WDR43: variants seen among roughly 807,000 people sequenced by gnomAD.
WDR43 encodes WD repeat-containing protein 43.
Under a neutral mutation model 91.4 loss-of-function variants are expected in WDR43, and 13 were observed. The ratio of observed to expected loss-of-function variants is 0.14; its 90% CI spans 0.09 to 0.23. The LOEUF (loss-of-function observed/expected upper bound fraction) is 0.23. Ranked by LOEUF, WDR43 falls within the 10% of genes least tolerant of loss-of-function variation. WDR43 has a pLI of 1.00. For synonymous variants in WDR43, 331 were observed against 287.9 expected, an observed-to-expected ratio of 1.15 and a Z score of -1.51; for missense variants, 780 against 809.4, an observed-to-expected ratio of 0.96 and a Z score of 0.44.
intron 5 of WDR43, among the ~76,000 whole-genome samples, chr2:28,916,676 A>G (rs4456657): frequency 0.67 from 102,582 of 152,004 alleles, 35,219 homozygotes; most frequent in East Asian, 0.85. Context: ...GGTTCTCGTT[A>G]TTTATAATTG....
chr2:28,922,749 A>G (rs1177112246), intron 6 of WDR43, among the ~76,000 whole-genome samples, 170 bp from the exon 7 acceptor site: 2 of 147,442 alleles, frequency 1.4e-5, no homozygotes, highest in Admixed American at 6.7e-5. Context: ...CACCACCACT[A>G]ATGGTTATTT....
intron 1 of WDR43, among the ~76,000 whole-genome samples, chr2:28,895,559 C>T (rs1179594997): frequency 6.6e-6 from 1 of 151,236 alleles, no homozygotes. Context: ...GCCCCGCTTT[C>T]AAGCCGATCA....
intron 11 of WDR43, among the ~76,000 whole-genome samples, chr2:28,933,676 T>C (rs1671288717): frequency 6.6e-6 from 1 of 152,122 alleles, no homozygotes; most frequent in African/African-American, 2.4e-5. Flanking sequence ...TTGGTAAAGG[T>C]TTGAATAGAC....
In WDR43 at chr2:28,901,145, C is replaced by G. The variant is rs59892852; in HGVS notation, c.226-842C>G. Among the ~76,000 whole-genome samples, 9 of 152,176 alleles carry G rather than the reference C, an allele frequency of 5.9e-5. No homozygotes were observed. In the East Asian group the frequency reaches 1.7e-3, roughly 29 times the overall value. On this transcript the variant is annotated intron_variant, in intron 1 of 17. Coordinates refer to ENST00000407426, the MANE Select transcript of WDR43 (RefSeq NM_015131.3). Reference sequence around the variant, plus strand: ...TGTTTTACAGTGAAAGAATGGATTTCTCAGAACTTTATGCTAAAAACATAT... The same window carrying G: ...TGTTTTACAGTGAAAGAATGGATTTGTCAGAACTTTATGCTAAAAACATAT...
intron 7 of WDR43, among the ~76,000 whole-genome samples, chr2:28,924,144 A>C (rs1329476761): frequency 2.0e-5 from 3 of 152,188 alleles, no homozygotes; most frequent in Non-Finnish European, 4.4e-5. Flanking sequence ...TGTGGCTGAA[A>C]TACAGTGAGG....
At chr2:28,907,312 TTCTG>T (rs886225561) in intron 3 of WDR43, among the ~76,000 whole-genome samples, 77 of 152,224 alleles carry the variant, frequency 5.1e-4, no homozygotes, top group Middle Eastern at 3.4e-3. Flanking sequence ...GGATTTTAGA[TTCTG>T]TCTGGTATGC....
At chr2:28,901,310 ACT>A (rs1038412524) in intron 1 of WDR43, among the ~76,000 whole-genome samples, 6 of 152,332 alleles carry the variant, frequency 3.9e-5, no homozygotes, top group Admixed American at 3.9e-4. Flanking sequence ...TGTTAACATC[ACT>A]TTTGAAATGA....
intron 11 of WDR43, among the ~76,000 whole-genome samples, chr2:28,933,934 A>G (rs1311044627): frequency 1.3e-5 from 2 of 152,170 alleles, no homozygotes; most frequent in African/African-American, 4.8e-5. Context: ...TTAGTTTATT[A>G]AAAATTGAGG....
At chr2:28,901,919 AT>A (rs1306142519) in intron 1 of WDR43, 67 bp from the exon 2 acceptor site, 1 of 1,445,032 alleles carries the variant, frequency 6.9e-7, no homozygotes, top group African/African-American at 1.5e-5. Context: ...GGGCATTTGT[AT>A]TTGTTCATTA....
intron 3 of WDR43, 117 bp from the exon 4 acceptor site, chr2:28,912,473 C>T: frequency 1.6e-6 from 2 of 1,278,502 alleles, no homozygotes; most frequent in South Asian, 1.5e-5. Flanking sequence ...ATGTAATTGT[C>T]ACAGGACCTG....
In WDR43 at chr2:28,909,156, G is replaced by C. The variant is rs528449384; in HGVS notation, c.485+2575G>C. ...TTTTTTTCTTTTCTTTCTTTTTCTT[G>C]AGATGGAGTTTCGCTCTTGTTGCCC... is the stretch of plus-strand genomic sequence containing the variant. On this transcript the variant is annotated intron_variant, in intron 3 of 17. Coordinates refer to ENST00000407426, the MANE Select transcript of WDR43 (RefSeq NM_015131.3). 1.3e-3 allele frequency among the ~76,000 whole-genome samples: 201 copies of C among 151,782 alleles called. 1 individual carries two copies. Among genetic ancestry groups the C allele is most frequent in the Non-Finnish European group, 2.4e-3 (160 of 67,932 alleles).
intron 2 of WDR43, chr2:28,904,895 C>T (rs1231598218): frequency 1.3e-5 from 2 of 151,992 alleles, no homozygotes; most frequent in Non-Finnish European, 2.9e-5. Context: ...TACTTTATTC[C>T]TGCAAGATTT....
chr2:28,933,735 T>C (rs1441944953), intron 11 of WDR43, among the ~76,000 whole-genome samples: 3 of 152,210 alleles, frequency 2.0e-5, no homozygotes, highest in African/African-American at 7.2e-5. Context: ...AAAGGTATTA[T>C]GCATTATTAA....
Position 28,894,919 on chromosome 2 carries a change from C to T in WDR43, c.221C>T (p.Ala74Val), listed in dbSNP as rs756910933. Residue 74 changes from alanine to valine, a missense_variant, in exon 1 of 18, where the codon GCC becomes GTC. Physicochemically the swap from Ala to Val is moderately conservative, Grantham distance 64. Around this residue, in one of 4 missense-constraint regions of WDR43, gnomAD observed 175 missense variants for 113.8 expected, o/e 1.54. Transcript: ENST00000407426. ...CLAWAPARLQ[A>V]KESPQRKKRK... ...GCCTGGGCGCCAGCGCGGCTGCAGG[C>T]CAAGGTAAAGCGAGCGGGACTGCGC... 4 of 1,586,074 alleles carry T rather than the reference C, an allele frequency of 2.5e-6. No homozygotes were observed. The South Asian group carries it at 3.4e-5, about 14-fold the overall frequency.
intron 16 of WDR43, among the ~76,000 whole-genome samples, chr2:28,942,682 ACAGCTTGCTG>A (rs1671463727): frequency 6.7e-6 from 1 of 148,774 alleles, no homozygotes; most frequent in South Asian, 2.1e-4. Flanking sequence ...TGCTGTGATC[ACAGCTTGCTG>A]CAGCCTCAAC....
In WDR43 at chr2:28,922,897, G is replaced by C. The variant is rs370861070; in HGVS notation, c.850-22G>C. The C allele has an allele frequency of 1.1e-5, 17 of 1,596,162 alleles. 2 individuals carry two copies. The South Asian group carries it at 1.9e-4, about 18-fold the overall frequency. On this transcript the variant is annotated intron_variant, in intron 6 of 17. Transcript: ENST00000407426. ...TGGAGTATGTTATCCATTATAATACGTTGGTTACATTTTTCTTTTAGCCTG... is the reference window on the plus strand; with the variant it reads ...TGGAGTATGTTATCCATTATAATACCTTGGTTACATTTTTCTTTTAGCCTG...
intron 1 of WDR43, among the ~76,000 whole-genome samples, chr2:28,896,400 T>TA (rs1376195556): frequency 6.6e-6 from 1 of 152,200 alleles, no homozygotes; most frequent in Non-Finnish European, 1.5e-5. Context: ...AGAGAACACT[T>TA]AGAATAGTTC....
intron 9 of WDR43, 167 bp from the exon 10 acceptor site, chr2:28,927,402 A>G (rs1671160870): frequency 1.2e-6 from 1 of 835,018 alleles, no homozygotes; most frequent in Admixed American, 3.0e-5. Context: ...TTGTCACTTA[A>G]AAAGTTTGTC....
intron 11 of WDR43, among the ~76,000 whole-genome samples, chr2:28,931,655 CT>C (rs34087215): frequency 1.1e-3 from 154 of 143,024 alleles, no homozygotes; most frequent in Middle Eastern, 3.6e-3. Flanking sequence ...GGTTTAAAAT[CT>C]TTTTTTTTTT....
Sources: allele counts gnomAD v4.1 joint callset (sites outside exome capture counted in the v4.1 genomes callset), GRCh38; gene constraint gnomAD v4.1.1; regional missense constraint gnomAD v4.1.1; transcripts MANE v1.5; gene names NCBI Gene and HGNC (gene_info 2026-07-23, HGNC 2026-07-21).